Variants in MTSS1 observed in about 807,000 individuals in gnomAD.
MTSS1 encodes the protein protein MTSS 1.
Under a neutral mutation model 79.0 loss-of-function variants are expected in MTSS1, and 18 were observed. That is an observed-to-expected ratio of 0.23 (90% confidence interval 0.16 to 0.34). The LOEUF (loss-of-function observed/expected upper bound fraction) is 0.34, where lower values mean the gene tolerates loss of function less well. MTSS1 is among the 10% of genes least tolerant of loss of function. MTSS1 has a pLI of 1.00. For missense variants in MTSS1, 815 were observed against 986.2 expected, an observed-to-expected ratio of 0.83 and a Z score of 2.33; for synonymous variants, 341 against 368.6, an observed-to-expected ratio of 0.93 and a Z score of 0.86.
intron 3 of MTSS1, among the ~76,000 whole-genome samples, chr8:124,670,575 T>C (rs148085757): frequency 1.6e-4 from 25 of 152,276 alleles, no homozygotes; most frequent in African/African-American, 5.5e-4. Context: ...ACACTTAGGA[T>C]TGATCATTTC....
intron 6 of MTSS1, among the ~76,000 whole-genome samples, chr8:124,581,689 C>T (rs1395023123): frequency 6.6e-6 from 1 of 151,824 alleles, no homozygotes. Flanking sequence ...TTCTTGACCT[C>T]ATGATGCACC....
At chr8:124,702,017 A>G (rs1829774854) in intron 2 of MTSS1, among the ~76,000 whole-genome samples, 1 of 152,216 alleles carries the variant, frequency 6.6e-6, no homozygotes. Flanking sequence ...ATAATATAAA[A>G]TGTATCCTGT....
Position 124,553,595 on chromosome 8 carries a change from G to C in MTSS1, c.1665C>G (p.Ser555Arg). The change falls in exon 14 of 14, where the codon AGC becomes AGG. Residue 555 changes from serine to arginine, a missense_variant. Transcript: ENST00000518547. This position sits in a 1 kb window ranked among gnomAD's most constrained non-coding sequence, Gnocchi z 6.0. Reference protein sequence around the residue: ...SSTIPRNSDISQSYRRMFQAK... With the variant: ...SSTIPRNSDIRQSYRRMFQAK... ...CTTGGAACATCCGTCGGTAGGACTGGCTGATGTCGCTGTTTCTTGGAATGG... is the reference window on the plus strand; with the variant it reads ...CTTGGAACATCCGTCGGTAGGACTGCCTGATGTCGCTGTTTCTTGGAATGG... 1 of 1,614,184 alleles carries C rather than the reference G, an allele frequency of 6.2e-7. No individual in the cohort carries two copies. Among genetic ancestry groups the C allele is most frequent in the Non-Finnish European group, 8.5e-7 (1 of 1,180,028 alleles).
At chr8:124,696,952 C>T (rs986315701) in intron 3 of MTSS1, among the ~76,000 whole-genome samples, 11 of 152,098 alleles carry the variant, frequency 7.2e-5, no homozygotes, top group African/African-American at 2.7e-4. Context: ...CTACTCTACC[C>T]CCATCACTTC....
At chr8:124,619,558 C>T (rs992728859) in intron 3 of MTSS1, 2 of 152,114 alleles carry the variant, frequency 1.3e-5, no homozygotes, top group Admixed American at 6.6e-5. Flanking sequence ...CGCTGAATGA[C>T]GTTAAAGAGG....
chr8:124,664,852 G>T (rs1405162107), intron 3 of MTSS1, among the ~76,000 whole-genome samples: 1 of 152,146 alleles, frequency 6.6e-6, no homozygotes, highest in African/African-American at 2.4e-5. Flanking sequence ...AGTAACACTA[G>T]GAAGTAGACT....
At chr8:124,580,606 G>T in intron 6 of MTSS1, 2 of 1,533,604 alleles carry the variant, frequency 1.3e-6, no homozygotes, top group South Asian at 2.4e-5. Context: ...ATACACAATT[G>T]ACACAAAAAG....
chr8:124,648,284 ATTTTTTT>A, intron 3 of MTSS1, among the ~76,000 whole-genome samples: 1 of 149,320 alleles, frequency 6.7e-6, no homozygotes, highest in East Asian at 2.0e-4. Flanking sequence ...GTGTTTTTGA[ATTTTTTT>A]TTTTAAGTAT....
At chr8:124,714,873 G>T (rs944739320) in intron 1 of MTSS1, among the ~76,000 whole-genome samples, 1 of 152,118 alleles carries the variant, frequency 6.6e-6, no homozygotes, top group African/African-American at 2.4e-5. Flanking sequence ...CTAATACAGG[G>T]GCTGGCTGCT....
intron 3 of MTSS1, among the ~76,000 whole-genome samples, chr8:124,648,408 C>G (rs551561474): frequency 6.6e-6 from 1 of 152,106 alleles, no homozygotes; most frequent in African/African-American, 2.4e-5. Context: ...AAGAAAACCT[C>G]ACATCCTCCA....
intron 3 of MTSS1, among the ~76,000 whole-genome samples, chr8:124,668,277 C>T (rs1269932979): frequency 6.6e-6 from 1 of 152,178 alleles, no homozygotes; most frequent in African/African-American, 2.4e-5. Flanking sequence ...TCTTGTTAGG[C>T]ATGTTTTGTT....
At chr8:124,611,739 CCCTGTT>C (rs1835858870) in intron 3 of MTSS1, among the ~76,000 whole-genome samples, 2 of 152,158 alleles carry the variant, frequency 1.3e-5, no homozygotes, top group South Asian at 4.1e-4. Context: ...AAAGGAAATA[CCCTGTT>C]TTTAAAACTC....
intron 3 of MTSS1, among the ~76,000 whole-genome samples, chr8:124,656,008 T>G (rs940074592): frequency 6.6e-6 from 1 of 152,106 alleles, no homozygotes; most frequent in Non-Finnish European, 1.5e-5. Context: ...CAGAAGAAAA[T>G]AAAATCTTTG....
chr8:124,626,729 G>C (rs185260569), intron 3 of MTSS1, among the ~76,000 whole-genome samples: 1 of 152,156 alleles, frequency 6.6e-6, no homozygotes, highest in East Asian at 1.9e-4. Flanking sequence ...GGTGCAGTGA[G>C]GACCAATCAG....
intron 3 of MTSS1, among the ~76,000 whole-genome samples, chr8:124,596,707 C>G (rs75648054): frequency 3.9e-5 from 6 of 152,150 alleles, no homozygotes; most frequent in African/African-American, 1.4e-4. Flanking sequence ...TCGGCAGGGC[C>G]GTGCTCCCTC....
chr8:124,710,972 T>C (rs146467804), intron 1 of MTSS1, among the ~76,000 whole-genome samples: 330 of 152,322 alleles, frequency 2.2e-3, no homozygotes, highest in African/African-American at 7.7e-3. Flanking sequence ...GCCTTTGTTC[T>C]GCCCAAAAGG....
At chr8:124,697,732 G>A (rs1350889885) in intron 3 of MTSS1, among the ~76,000 whole-genome samples, 3 of 152,184 alleles carry the variant, frequency 2.0e-5, no homozygotes, top group African/African-American at 4.8e-5. Flanking sequence ...TCTTCTCTAC[G>A]GTTGTATTTT....
At chr8:124,657,268 G>A (rs902173315) in intron 3 of MTSS1, among the ~76,000 whole-genome samples, 1 of 152,078 alleles carries the variant, frequency 6.6e-6, no homozygotes, top group Non-Finnish European at 1.5e-5. Context: ...GGGCTGGGGG[G>A]CAACATGTCT....
chr8:124,662,875 C>T (rs562761353), intron 3 of MTSS1, among the ~76,000 whole-genome samples: 2 of 152,030 alleles, frequency 1.3e-5, no homozygotes, highest in Admixed American at 1.3e-4. Flanking sequence ...TGTAATGTAC[C>T]CTTGCAGTCA....
Sources: gnomAD v4.1 joint callset for allele counts (sites outside exome capture counted in the v4.1 genomes callset) on GRCh38, gnomAD v4.1.1 for gene constraint, Gnocchi (gnomAD v3.1) non-coding constraint, MANE v1.5 for transcripts, NCBI Gene and HGNC (gene_info 2026-07-23, HGNC 2026-07-21) for gene names.